The following MBNL1 variants were observed in gnomAD, a reference collection of about 807,000 sequenced individuals.
MBNL1 encodes the protein muscleblind like splicing regulator 1, also known as muscleblind-like protein 1.
MBNL1 carries 8 observed loss-of-function variants against 42.2 expected under a neutral mutation model. The ratio of observed to expected loss-of-function variants is 0.19; its 90% CI spans 0.11 to 0.34. The LOEUF (loss-of-function observed/expected upper bound fraction) is 0.34, where lower values mean the gene tolerates loss of function less well. Among genes scored for constraint, MBNL1 ranks in the 10% least tolerant of loss-of-function variants. The pLI, the probability that MBNL1 is intolerant of heterozygous loss-of-function variation, is 1.00. For synonymous variants in MBNL1, 169 were observed against 173.9 expected (o/e 0.97, Z 0.22); for missense variants, 309 against 495.3 (o/e 0.62, Z 3.57).
intron 2 of MBNL1, among the ~76,000 whole-genome samples, chr3:152,353,922 T>C (rs770314830): frequency 2.6e-5 from 4 of 152,146 alleles, no homozygotes; most frequent in Non-Finnish European, 4.4e-5. Context: ...TTTTGGTGAG[T>C]ACTTTGAAAG....
chr3:152,269,121 C>A, intron 1 of MBNL1, 29 bp downstream of exon 1: 1 of 448,450 alleles, frequency 2.2e-6, no homozygotes, highest in Non-Finnish European at 4.5e-6. Flanking sequence ...AGTTTCCCCG[C>A]GCCGCTTCAT....
At chr3:152,340,961 C>G in intron 2 of MBNL1, 1 of 1,507,178 alleles carries the variant, frequency 6.6e-7, no homozygotes, top group Non-Finnish European at 8.9e-7. Context: ...ACCTATACCA[C>G]TTTCCTGAAG....
intron 2 of MBNL1, among the ~76,000 whole-genome samples, chr3:152,388,251 A>G (rs759260942): frequency 6.6e-6 from 1 of 152,128 alleles, no homozygotes; most frequent in Non-Finnish European, 1.5e-5. Context: ...CCTCTTCAAG[A>G]TATCTTTGTT....
chr3:152,261,306 C>A (rs563391234), intron 2 of MBNL1, among the ~76,000 whole-genome samples: 17 of 152,266 alleles, frequency 1.1e-4, no homozygotes, highest in African/African-American at 4.1e-4. Flanking sequence ...ACCTCACATA[C>A]CTCTTGTTTT....
intron 6 of MBNL1, among the ~76,000 whole-genome samples, chr3:152,452,861 A>G (rs1726100759): frequency 1.3e-5 from 2 of 152,134 alleles, no homozygotes; most frequent in Admixed American, 6.6e-5. Flanking sequence ...AACAACTTCT[A>G]TTTTGGCTTG....
chr3:152,375,511 A>G (rs1459628472), intron 2 of MBNL1, among the ~76,000 whole-genome samples: 1 of 152,210 alleles, frequency 6.6e-6, no homozygotes, highest in Non-Finnish European at 1.5e-5. Flanking sequence ...GCACTTTGGG[A>G]GGCCAAGTGG....
chr3:152,325,321 A>G (rs1169528924), intron 2 of MBNL1, among the ~76,000 whole-genome samples: 2 of 151,912 alleles, frequency 1.3e-5, no homozygotes. Flanking sequence ...ATCTTACTCC[A>G]TCTCTGCATT....
At chr3:152,453,840 A>C (rs1245085429) in intron 6 of MBNL1, among the ~76,000 whole-genome samples, 4 of 152,228 alleles carry the variant, frequency 2.6e-5, no homozygotes, top group Admixed American at 2.6e-4. Flanking sequence ...TTAATTATGC[A>C]TGGGATGAAA....
At chr3:152,418,269 G>T (rs907684722) in intron 3 of MBNL1, among the ~76,000 whole-genome samples, 1 of 152,188 alleles carries the variant, frequency 6.6e-6, no homozygotes, top group Non-Finnish European at 1.5e-5. Flanking sequence ...CTAGTGAGTA[G>T]CAAGGCTAGG....
intron 4 of MBNL1, among the ~76,000 whole-genome samples, chr3:152,435,325 A>G (rs778273701): frequency 6.6e-6 from 1 of 151,696 alleles, no homozygotes; most frequent in Non-Finnish European, 1.5e-5. Flanking sequence ...GTTATTGTCA[A>G]CTTTGTTGGA....
intron 2 of MBNL1, among the ~76,000 whole-genome samples, chr3:152,330,932 T>G (rs115145566): frequency 6.6e-6 from 1 of 152,192 alleles, no homozygotes; most frequent in African/African-American, 2.4e-5. Context: ...TTATCTACTA[T>G]ATACAGTCAG....
chr3:152,367,517 G>T (rs549059097), intron 2 of MBNL1, among the ~76,000 whole-genome samples: 74 of 152,280 alleles, frequency 4.9e-4, no homozygotes, highest in Non-Finnish European at 9.4e-4. Flanking sequence ...ATAGTAGAAT[G>T]ATTTATAATC....
intron 3 of MBNL1, among the ~76,000 whole-genome samples, chr3:152,416,114 T>C (rs567727119): frequency 2.6e-5 from 4 of 152,204 alleles, no homozygotes; most frequent in East Asian, 3.8e-4. Context: ...CTGTTTTTTT[T>C]CCGAATACAT....
intron 2 of MBNL1, among the ~76,000 whole-genome samples, chr3:152,310,541 C>T (rs2152011277): frequency 6.6e-6 from 1 of 152,298 alleles, no homozygotes; most frequent in Non-Finnish European, 1.5e-5. Flanking sequence ...ACATATTAGA[C>T]TGTTGTACAT....
At chr3:152,415,422 G>A (rs74536495) in intron 3 of MBNL1, among the ~76,000 whole-genome samples, 1,886 of 152,096 alleles carry the variant, frequency 0.012, 35 homozygotes, top group African/African-American at 0.041. Context: ...CTAACTCACC[G>A]GTATAGTCAA....
At chr3:152,315,368 A>G (rs538396000) in intron 2 of MBNL1, among the ~76,000 whole-genome samples, 117 of 152,280 alleles carry the variant, frequency 7.7e-4, no homozygotes, top group Admixed American at 3.0e-3. Context: ...AGAAAAATCC[A>G]CTTCTCTGAA....
At chr3:152,305,004 A>G (rs1045518107) in intron 2 of MBNL1, among the ~76,000 whole-genome samples, 2 of 152,174 alleles carry the variant, frequency 1.3e-5, no homozygotes, top group African/African-American at 4.8e-5. Context: ...AGATTTTGGT[A>G]CACTGCGTCT....
intron 1 of MBNL1, among the ~76,000 whole-genome samples, chr3:152,277,382 T>C (rs907882697): frequency 6.6e-6 from 1 of 152,150 alleles, no homozygotes; most frequent in Admixed American, 6.6e-5. Flanking sequence ...TAACCTATCC[T>C]TAGTGATAAA....
intron 2 of MBNL1, among the ~76,000 whole-genome samples, chr3:152,351,073 A>G (rs984649289): frequency 6.6e-6 from 1 of 151,246 alleles, no homozygotes; most frequent in African/African-American, 2.4e-5. Flanking sequence ...ATTATTATGT[A>G]TCAGACTTTT....
Sources: allele counts gnomAD v4.1 joint callset (sites outside exome capture counted in the v4.1 genomes callset), GRCh38; gene constraint gnomAD v4.1.1; transcripts MANE v1.5; gene names NCBI Gene and HGNC (gene_info 2026-07-23, HGNC 2026-07-21).